TAFA2: variants seen among roughly 807,000 people sequenced by gnomAD.
The protein encoded by TAFA2 is chemokine-like protein TAFA-2.
Under a neutral mutation model 18.8 loss-of-function variants are expected in TAFA2, and 7 were observed. The ratio of observed to expected loss-of-function variants is 0.37; its 90% CI spans 0.21 to 0.70. The LOEUF is 0.70. Ranked by LOEUF, TAFA2 falls within the 30% of genes least tolerant of loss-of-function variation. TAFA2 has a pLI of 0.53. For missense variants in TAFA2, 122 were observed against 158.1 expected (o/e 0.77, Z 1.23); for synonymous variants, 60 against 54.2 (o/e 1.11, Z -0.47).
chr12:62,026,874 T>C (rs1478026343), intron 1 of TAFA2, among the ~76,000 whole-genome samples: 1 of 152,144 alleles, frequency 6.6e-6, no homozygotes, highest in Non-Finnish European at 1.5e-5. Flanking sequence ...TTAAACAGCA[T>C]GAGATAAATC....
At chr12:61,892,217 G>A (rs1174502800) in intron 1 of TAFA2, among the ~76,000 whole-genome samples, 1 of 151,844 alleles carries the variant, frequency 6.6e-6, no homozygotes, top group African/African-American at 2.4e-5. Flanking sequence ...CAAGATATTT[G>A]GTTTAAAAAA....
At chr12:61,834,734 T>C (rs753801904) in intron 2 of TAFA2, among the ~76,000 whole-genome samples, 11 of 152,116 alleles carry the variant, frequency 7.2e-5, no homozygotes, top group Non-Finnish European at 1.3e-4. Context: ...GTAAGACATA[T>C]CTAGCTAGAA....
chr12:62,167,619 A>G (rs1298271728), intron 1 of TAFA2, among the ~76,000 whole-genome samples: 1 of 152,232 alleles, frequency 6.6e-6, no homozygotes. Context: ...ACTTTATAAT[A>G]CATTTTATCT....
intron 1 of TAFA2, among the ~76,000 whole-genome samples, chr12:61,982,891 A>C (rs1879687511): frequency 6.6e-6 from 1 of 151,356 alleles, no homozygotes; most frequent in African/African-American, 2.4e-5. Context: ...AAAAAAAAAA[A>C]AAAGTTACTT....
chr12:61,804,904 A>G (rs543033758), intron 2 of TAFA2, among the ~76,000 whole-genome samples: 25 of 152,118 alleles, frequency 1.6e-4, no homozygotes, highest in Non-Finnish European at 2.8e-4. Context: ...CAGAATTCCA[A>G]TGGTATCTGG....
At chr12:61,915,180 A>C (rs1876771898) in intron 1 of TAFA2, among the ~76,000 whole-genome samples, 1 of 152,186 alleles carries the variant, frequency 6.6e-6, no homozygotes, top group Admixed American at 6.5e-5. Flanking sequence ...ATTAAATAAA[A>C]GGAAAGAAAG....
At chr12:62,135,886 G>C in intron 1 of TAFA2, 1 of 152,040 alleles carries the variant, frequency 6.6e-6, no homozygotes, top group African/African-American at 2.4e-5. Flanking sequence ...TAAATCTCAG[G>C]AGAAATCATA....
intron 2 of TAFA2, among the ~76,000 whole-genome samples, chr12:61,793,543 CAAG>C (rs900663818): frequency 4.0e-5 from 6 of 151,634 alleles, no homozygotes; most frequent in African/African-American, 1.5e-4. Context: ...AAACCTCACT[CAAG>C]AAGAATTGGA....
intron 1 of TAFA2, among the ~76,000 whole-genome samples, chr12:62,075,022 A>G (rs1882726709): frequency 6.6e-6 from 1 of 152,164 alleles, no homozygotes; most frequent in African/African-American, 2.4e-5. Context: ...TTAAAGATTT[A>G]ATGACTACAA....
intron 2 of TAFA2, among the ~76,000 whole-genome samples, chr12:61,781,749 G>A (rs917143723): frequency 6.6e-6 from 1 of 151,562 alleles, no homozygotes; most frequent in African/African-American, 2.4e-5. Flanking sequence ...ATATTATAAT[G>A]CAATTATAAA....
chr12:61,719,471 G>T (rs1463420592), intron 4 of TAFA2, among the ~76,000 whole-genome samples: 1 of 152,050 alleles, frequency 6.6e-6, no homozygotes, highest in African/African-American at 2.4e-5. Flanking sequence ...AAGCAATTCA[G>T]CCCACAGGAG....
chr12:62,239,544 T>A (rs1350205942), intron 1 of TAFA2, among the ~76,000 whole-genome samples: 1 of 152,146 alleles, frequency 6.6e-6, no homozygotes, highest in Non-Finnish European at 1.5e-5. Context: ...AGGGTAGGAG[T>A]GATGCTAAAT....
intron 1 of TAFA2, among the ~76,000 whole-genome samples, chr12:61,949,620 T>C (rs1187166868): frequency 6.6e-6 from 1 of 152,150 alleles, no homozygotes; most frequent in Non-Finnish European, 1.5e-5. Flanking sequence ...TACCTTGGGA[T>C]GTCTCAGCCT....
chr12:61,928,127 A>C (rs1436765310), intron 1 of TAFA2, among the ~76,000 whole-genome samples: 1 of 152,228 alleles, frequency 6.6e-6, no homozygotes, highest in Non-Finnish European at 1.5e-5. Flanking sequence ...TAAAACATCA[A>C]AATCAATGGC....
chr12:61,939,981 C>T (rs1877931136), intron 1 of TAFA2, among the ~76,000 whole-genome samples: 1 of 152,186 alleles, frequency 6.6e-6, no homozygotes, highest in South Asian at 2.1e-4. Flanking sequence ...TCAGCTTCCT[C>T]ATATGTAAAA....
At chr12:61,828,359 G>T (rs185865092) in intron 2 of TAFA2, among the ~76,000 whole-genome samples, 182 of 151,908 alleles carry the variant, frequency 1.2e-3, no homozygotes, top group Middle Eastern at 6.8e-3. Context: ...TAAAACAAAA[G>T]AATTCTATAA....
intron 1 of TAFA2, among the ~76,000 whole-genome samples, chr12:61,956,831 G>A (rs73131681): frequency 0.13 from 19,821 of 151,988 alleles, 1,648 homozygotes; most frequent in East Asian, 0.2. Flanking sequence ...GTGTGTCAAC[G>A]TCTGATGAAC....
rs151262421 is a variant in TAFA2 at position 62,042,484 on chromosome 12, A to G, written c.-2+148775T>C. ...TAATGCAAGTATGTCTCAAAAACTGAGACTTTGCCTTCATCTGGCCAGTGT... is the reference window on the plus strand; with the variant it reads ...TAATGCAAGTATGTCTCAAAAACTGGGACTTTGCCTTCATCTGGCCAGTGT... On this transcript the variant is annotated intron_variant, in intron 1 of 4. Transcript: ENST00000416284. Among the ~76,000 whole-genome samples the G allele has an allele frequency of 1.1e-4, 16 of 151,760 alleles. No homozygotes were observed. The East Asian group carries it at 2.9e-3, about 28-fold the overall frequency.
At position 62,202,821 on chromosome 12, in the gene TAFA2, C is replaced by CCTTTTTTTTTTTTTTTTTTTTT. The variant is rs368047311; in HGVS notation, c.-130+55941_-130+55942insAAAAAAAAAAAAAAAAAAAAAG. ...TCAATTTACATGTAGCTGTGTGGTTCTTTTTTTTTTTTTTTTTTTTTTTTT... is the reference window on the plus strand; with the variant it reads ...TCAATTTACATGTAGCTGTGTGGTTCCTTTTTTTTTTTTTTTTTTTTTTTTTTTTTTTTTTTTTTTTTTTTTT... On this transcript the variant is annotated intron_variant, in intron 1 of 5. Coordinates refer to the TAFA2 transcript ENST00000551619. Among the ~76,000 whole-genome samples, 4 of 61,626 alleles carry CCTTTTTTTTTTTTTTTTTTTTT rather than the reference C, an allele frequency of 6.5e-5. 2 individuals are homozygous for CCTTTTTTTTTTTTTTTTTTTTT. Among genetic ancestry groups the CCTTTTTTTTTTTTTTTTTTTTT allele is most frequent in the African/African-American group, 2.3e-4 (4 of 17,040 alleles). 40.4% of individuals were successfully genotyped at this position (61,626 alleles called of 152,430 possible).
Sources: gnomAD v4.1 joint callset for allele counts (sites outside exome capture counted in the v4.1 genomes callset) on GRCh38, gnomAD v4.1.1 for gene constraint, MANE v1.5 for transcripts, NCBI Gene and HGNC (gene_info 2026-07-23, HGNC 2026-07-21) for gene names.